The following DNER variants were observed in gnomAD, a reference collection of about 807,000 sequenced individuals.
DNER encodes delta and Notch-like epidermal growth factor-related receptor.
DNER carries 33 observed loss-of-function variants against 78.2 expected under a neutral mutation model. That is an observed-to-expected ratio of 0.42 (90% CI 0.32 to 0.56). The LOEUF (loss-of-function observed/expected upper bound fraction) is 0.56. DNER is among the 20% of genes least tolerant of loss of function. DNER has a pLI of 0.11. For synonymous variants in DNER, 417 were observed against 384.8 expected (o/e 1.08, Z -0.98); for missense variants, 918 against 975.3 (o/e 0.94, Z 0.78).
intron 1 of DNER, among the ~76,000 whole-genome samples, chr2:229,655,909 G>A (rs777923612): frequency 1.4e-4 from 22 of 152,012 alleles, no homozygotes; most frequent in Admixed American, 3.3e-4. Context: ...TGAAGATGAA[G>A]GCAGGCATTC....
At chr2:229,509,723 G>A (rs1574876874) in intron 6 of DNER, among the ~76,000 whole-genome samples, 2 of 152,292 alleles carry the variant, frequency 1.3e-5, no homozygotes, top group East Asian at 3.9e-4. Flanking sequence ...GCTGAAGCAG[G>A]AGAATCTCTT....
chr2:229,488,801 G>A (rs1197714861), intron 6 of DNER, among the ~76,000 whole-genome samples: 1 of 152,250 alleles, frequency 6.6e-6, no homozygotes, highest in Non-Finnish European at 1.5e-5. Context: ...CTGAGCAGGA[G>A]ATGCAGAAAG....
intron 7 of DNER, among the ~76,000 whole-genome samples, chr2:229,466,912 TGA>T (rs1273496263): frequency 6.6e-6 from 1 of 152,162 alleles, no homozygotes; most frequent in East Asian, 1.9e-4. Context: ...AAATGTAAAA[TGA>T]TTTTTCTCCT....
At position 229,714,290 on chromosome 2, in the gene DNER, G is replaced by A; in HGVS notation, c.134C>T (p.Pro45Leu). The A allele has an allele frequency of 7.5e-7, 1 of 1,334,708 alleles. No individual in the cohort carries two copies. The highest frequency in any genetic ancestry group is 9.6e-7 in the Non-Finnish European group (1 of 1,045,572). 82.7% of individuals were successfully genotyped at this position (1,334,708 alleles called of 1,614,324 possible). Residue 45 changes from proline to leucine, a missense_variant, in exon 1 of 13, where the codon CCC (proline) becomes CTC (leucine). Coordinates refer to ENST00000341772, the MANE Select transcript of DNER (RefSeq NM_139072.4). ...GCAGGGCTGCGCGGCGCACGGCCCG[G>A]GCGCAGACAGGGGCGCGGCGGGCAC... ...NPVPAAPLSAPGPCAAQPCRN... is the reference protein window; with the variant it reads ...NPVPAAPLSALGPCAAQPCRN...
In DNER at chr2:229,362,876, C is replaced by T. The variant is rs113458208; in HGVS notation, c.2102+3997G>A. ...CCAGTTATAAGGCAGGTCAAAGAGC[C>T]GCTAGTTCATGGTCCTCTGAAAGTC... On this transcript the variant is annotated intron_variant, in intron 12 of 12. Transcript: ENST00000341772. 5.9e-3 allele frequency among the ~76,000 whole-genome samples: 894 copies of T among 152,270 alleles called. 9 individuals are homozygous for T. The highest frequency in any genetic ancestry group is 0.02 in the African/African-American group (850 of 41,530).
chr2:229,423,945 G>A (rs577559737), intron 8 of DNER, among the ~76,000 whole-genome samples: 7 of 152,168 alleles, frequency 4.6e-5, no homozygotes, highest in Admixed American at 2.0e-4. Flanking sequence ...TGATTATCAC[G>A]TCTCTTCCTC....
chr2:229,375,407 G>T (rs1187280838), intron 11 of DNER, among the ~76,000 whole-genome samples: 1 of 152,126 alleles, frequency 6.6e-6, no homozygotes, highest in Non-Finnish European at 1.5e-5. Context: ...ACAGAATTGA[G>T]TTATCAACCA....
intron 5 of DNER, among the ~76,000 whole-genome samples, chr2:229,542,458 A>C (rs1256259895): frequency 6.6e-6 from 1 of 152,190 alleles, no homozygotes; most frequent in Non-Finnish European, 1.5e-5. Flanking sequence ...CTGACAGAAA[A>C]GAAATGAGTT....
chr2:229,554,071 C>A (rs183146134), intron 4 of DNER, among the ~76,000 whole-genome samples: 1 of 152,118 alleles, frequency 6.6e-6, no homozygotes, highest in Non-Finnish European at 1.5e-5. Flanking sequence ...AACTAAGATG[C>A]CTTTCAAAAT....
intron 1 of DNER, among the ~76,000 whole-genome samples, chr2:229,690,291 T>C (rs1483547083): frequency 1.3e-5 from 2 of 152,224 alleles, no homozygotes; most frequent in Admixed American, 1.3e-4. Flanking sequence ...AGACTGTTTT[T>C]TCTTCTTTTG....
intron 11 of DNER, among the ~76,000 whole-genome samples, chr2:229,370,470 C>G (rs567778631): frequency 6.6e-6 from 1 of 152,294 alleles, no homozygotes; most frequent in South Asian, 2.1e-4. Context: ...AACTCACATA[C>G]AGGCAGACTG....
At chr2:229,512,358 G>A (rs1695880702) in intron 6 of DNER, among the ~76,000 whole-genome samples, 1 of 144,634 alleles carries the variant, frequency 6.9e-6, no homozygotes, top group African/African-American at 2.6e-5. Flanking sequence ...ACTCCAGACT[G>A]GGAAAGAGTG....
rs1202270591 is a variant in DNER at position 229,682,514 on chromosome 2, TTAAAC to T, written c.276+31629_276+31633del. On this transcript the variant is annotated intron_variant, in intron 1 of 12. Coordinates refer to ENST00000341772, the MANE Select transcript of DNER (RefSeq NM_139072.4). Reference sequence around the variant, plus strand: ...AGCTAAGCAAATGGCATCTTAAAAGTTAAACTGGTTACTTCATCTCATAATCACAT... The same window carrying T: ...AGCTAAGCAAATGGCATCTTAAAAGTTGGTTACTTCATCTCATAATCACAT... Among the ~76,000 whole-genome samples, 110 of 152,286 alleles carry T rather than the reference TTAAAC, an allele frequency of 7.2e-4. 1 individual carries two copies. Among genetic ancestry groups the T allele is most frequent in the African/African-American group, 2.6e-3 (106 of 41,558 alleles).
At chr2:229,695,825 AGGGTCATGCTGAGCCCTTGACCTGAG>A (rs1273999912) in intron 1 of DNER, among the ~76,000 whole-genome samples, 1 of 152,126 alleles carries the variant, frequency 6.6e-6, no homozygotes, top group African/African-American at 2.4e-5. Flanking sequence ...TAGTAAGCTG[AGGGTCATGCTGAGCCCTTGACCTGAG>A]GATGAAATTG....
intron 7 of DNER, among the ~76,000 whole-genome samples, chr2:229,466,121 G>A (rs1004118017): frequency 6.6e-6 from 1 of 152,070 alleles, no homozygotes; most frequent in Non-Finnish European, 1.5e-5. Context: ...TCTTCCAAGT[G>A]CTAAAATTCT....
intron 2 of DNER, among the ~76,000 whole-genome samples, chr2:229,588,911 C>G (rs1195822933): frequency 6.6e-6 from 1 of 152,190 alleles, no homozygotes; most frequent in African/African-American, 2.4e-5. Context: ...AGCCAGCCTT[C>G]GACTTGCAAA....
intron 6 of DNER, among the ~76,000 whole-genome samples, chr2:229,488,589 G>A (rs1037173098): frequency 2.0e-5 from 3 of 152,238 alleles, no homozygotes; most frequent in Non-Finnish European, 4.4e-5. Flanking sequence ...TAAAGTTGGT[G>A]AGTGGAATTC....
At chr2:229,656,985 C>CGTGTGTGTGTGTGT (rs1417445603) in intron 1 of DNER, among the ~76,000 whole-genome samples, 6,121 of 148,780 alleles carry the variant, frequency 0.041, 265 homozygotes, top group African/African-American at 0.096. Flanking sequence ...ACAGTTACCA[C>CGTGTGTGTGTGTGT]GTGTGTGTGT....
At chr2:229,373,638 C>T (rs777060069) in intron 11 of DNER, among the ~76,000 whole-genome samples, 4 of 152,136 alleles carry the variant, frequency 2.6e-5, no homozygotes, top group Non-Finnish European at 5.9e-5. Flanking sequence ...GGCACTTGCA[C>T]GTTCACTGCA....
Sources: gnomAD v4.1 joint callset for allele counts (sites outside exome capture counted in the v4.1 genomes callset) on GRCh38, gnomAD v4.1.1 for gene constraint, MANE v1.5 for transcripts, NCBI Gene and HGNC (gene_info 2026-07-23, HGNC 2026-07-21) for gene names.